THEMIS: variants seen among roughly 807,000 people sequenced by gnomAD.
THEMIS encodes the protein thymocyte selection associated.
Under a neutral mutation model 52.6 loss-of-function variants are expected in THEMIS, and 37 were observed. The ratio of observed to expected loss-of-function variants is 0.70; its 90% CI spans 0.54 to 0.93. The LOEUF is 0.93. Ranked by LOEUF, THEMIS falls within the 40% of genes least tolerant of loss-of-function variation. THEMIS has a pLI of 0.00. For synonymous variants in THEMIS, 292 were observed against 272.7 expected, an observed-to-expected ratio of 1.07 and a Z score of -0.70; for missense variants, 808 against 763.1, an observed-to-expected ratio of 1.06 and a Z score of -0.69.
At position 127,709,940 on chromosome 6, in the gene THEMIS, T is replaced by C; in HGVS notation, c.*45A>G. ...CTAGAAGGCTAGCTTCTTTTTTCAC[T>C]GCAACATTTATGTTTGCTGCCTAAG... On this transcript the variant is annotated 3_prime_UTR_variant, in exon 6 of 6. Coordinates refer to ENST00000368248, the MANE Select transcript of THEMIS (RefSeq NM_001010923.3). 1.9e-6 allele frequency: 3 copies of C among 1,558,218 alleles called. No homozygotes were observed. Among genetic ancestry groups the C allele is most frequent in the Non-Finnish European group, 2.6e-6 (3 of 1,149,360 alleles).
rs561787437 is a variant in THEMIS at position 127,815,576 on chromosome 6, A to G, written c.710-1645T>C. On this transcript the variant is annotated intron_variant, in intron 3 of 5. Coordinates refer to ENST00000368248, the MANE Select transcript of THEMIS (RefSeq NM_001010923.3). ...GCTAAAGATCTGCAAAATTGTAAAG[A>G]TTTTTAATTTTTAGAAAAAAAAGGA... Among the ~76,000 whole-genome samples the G allele has an allele frequency of 2.0e-5, 3 of 152,308 alleles. No homozygotes were observed. The South Asian group carries it at 6.2e-4, about 32-fold the overall frequency.
intron 2 of THEMIS, among the ~76,000 whole-genome samples, chr6:127,848,198 GT>G (rs1436149471): frequency 6.6e-6 from 1 of 150,772 alleles, no homozygotes; most frequent in Non-Finnish European, 1.5e-5. Flanking sequence ...CCTTGTGATA[GT>G]TTGCTGAGAA....
chr6:127,865,562 A>T (rs1202325067), intron 1 of THEMIS, among the ~76,000 whole-genome samples: 2 of 152,194 alleles, frequency 1.3e-5, no homozygotes, highest in Non-Finnish European at 2.9e-5. Context: ...TTTGGGAATT[A>T]TCTGATTCTA....
intron 1 of THEMIS, among the ~76,000 whole-genome samples, chr6:127,911,092 C>T (rs2114530686): frequency 6.6e-6 from 1 of 151,522 alleles, no homozygotes; most frequent in African/African-American, 2.4e-5. Flanking sequence ...AGTTCTCATT[C>T]TGTCATATCA....
At chr6:127,807,932 T>A (rs912413382) in intron 4 of THEMIS, among the ~76,000 whole-genome samples, 1 of 152,122 alleles carries the variant, frequency 6.6e-6, no homozygotes, top group African/African-American at 2.4e-5. Context: ...CTCTGTGCAC[T>A]CCCCAGGAAC....
At chr6:127,702,107 T>G in the THEMIS span, among the ~76,000 whole-genome samples, 3 of 152,154 alleles carry the variant, frequency 2.0e-5, no homozygotes, top group Non-Finnish European at 1.5e-5. Flanking sequence ...TAAGCCCCTC[T>G]GTTTTTGTTC....
At position 127,855,041 on chromosome 6, in the gene THEMIS, A is replaced by G; in HGVS notation, c.239T>C (p.Met80Thr). 1.2e-6 allele frequency: 2 copies of G among 1,605,026 alleles called. No individual in the cohort carries two copies. Among genetic ancestry groups the G allele is most frequent in the South Asian group, 1.1e-5 (1 of 89,082 alleles). ...GCAATGTGCTGTACCTGGAAAATTC[A>G]TAGGCAGTTCAAATGGCTGTAGAGA... is the stretch of plus-strand genomic sequence containing the variant. ...CESLQPFELP[M>T]NFPGLFKIVA... Residue 80 changes from methionine to threonine, a missense_variant, in exon 2 of 6, where the codon ATG (methionine) becomes ACG (threonine). Transcript: ENST00000368248.
chr6:127,808,719 T>C (rs551458326), intron 4 of THEMIS, among the ~76,000 whole-genome samples: 1 of 152,328 alleles, frequency 6.6e-6, no homozygotes, highest in South Asian at 2.1e-4. Context: ...CTCGTGTCCC[T>C]GCCCAAACTG....
intron 5 of THEMIS, among the ~76,000 whole-genome samples, chr6:127,715,968 C>G (rs749486813): frequency 1.3e-5 from 2 of 151,788 alleles, no homozygotes; most frequent in Non-Finnish European, 2.9e-5. Context: ...AACTGGGACT[C>G]AAACTTGGAG....
intron 1 of THEMIS, among the ~76,000 whole-genome samples, chr6:127,879,348 T>C (rs542220354): frequency 6.6e-6 from 1 of 152,274 alleles, no homozygotes; most frequent in South Asian, 2.1e-4. Context: ...GTGATCTTTA[T>C]TGCTCCAAAT....
chr6:127,902,398 G>T (rs1242625856), upstream of THEMIS, among the ~76,000 whole-genome samples: 1 of 151,110 alleles, frequency 6.6e-6, no homozygotes, highest in African/African-American at 2.4e-5. Flanking sequence ...GAATCTACAC[G>T]TTTTCTTTAG....
chr6:127,825,644 T>G (rs270001), intron 3 of THEMIS, among the ~76,000 whole-genome samples: 111,718 of 152,132 alleles, frequency 0.73, 42,581 homozygotes, highest in East Asian at 1. Flanking sequence ...TCACCAGGAT[T>G]ATTTTAAATG....
At chr6:127,806,048 T>G (rs2114579391) in intron 4 of THEMIS, among the ~76,000 whole-genome samples, 1 of 152,140 alleles carries the variant, frequency 6.6e-6, no homozygotes, top group South Asian at 2.1e-4. Context: ...ATTTTAGTGA[T>G]TACAGGCACT....
intron 1 of THEMIS, among the ~76,000 whole-genome samples, chr6:127,910,355 C>CAT (rs2114528514): frequency 1.3e-5 from 2 of 152,152 alleles, no homozygotes; most frequent in African/African-American, 4.8e-5. Flanking sequence ...TTAGGAATTA[C>CAT]ATATTTATCT....
At chr6:127,853,594 T>C (rs1042041499) in intron 2 of THEMIS, among the ~76,000 whole-genome samples, 4 of 151,652 alleles carry the variant, frequency 2.6e-5, no homozygotes, top group Non-Finnish European at 5.9e-5. Context: ...CTCACTTCAA[T>C]ATAGCTAATA....
At chr6:127,817,628 C>G (rs2114621738) in intron 3 of THEMIS, among the ~76,000 whole-genome samples, 1 of 152,154 alleles carries the variant, frequency 6.6e-6, no homozygotes, top group South Asian at 2.1e-4. Context: ...CAGTGAAAAT[C>G]AACAACTCTT....
At chr6:127,914,800 C>T (rs17055118) in intron 1 of THEMIS, among the ~76,000 whole-genome samples, 2,676 of 152,254 alleles carry the variant, frequency 0.018, 86 homozygotes, top group African/African-American at 0.06. Flanking sequence ...TGCTTTTCTA[C>T]AGTAGAGCCA....
At position 127,732,766 on chromosome 6, in the gene THEMIS, C is replaced by A. The variant is rs961852616; in HGVS notation, c.1759-12943G>T. Among the ~76,000 whole-genome samples, 54 of 152,304 alleles carry A rather than the reference C, an allele frequency of 3.5e-4. 1 individual carries two copies. The highest frequency in any genetic ancestry group is 1.9e-3 in the South Asian group (9 of 4,830). On this transcript the variant is annotated intron_variant, in intron 4 of 5. Transcript: ENST00000368248. ...CTACTGAAGAATATTTGAGTAATTT[C>A]CAAGTATTAGCTGTTACAAATAATG...
At chr6:127,865,974 C>T (rs1320098735) in intron 1 of THEMIS, among the ~76,000 whole-genome samples, 5 of 152,030 alleles carry the variant, frequency 3.3e-5, no homozygotes, top group Non-Finnish European at 7.4e-5. Flanking sequence ...ATGTTCTTTT[C>T]AATAAGGTTA....
Sources: gnomAD v4.1 joint callset for allele counts (sites outside exome capture counted in the v4.1 genomes callset) on GRCh38, gnomAD v4.1.1 for gene constraint, MANE v1.5 for transcripts, NCBI Gene and HGNC (gene_info 2026-07-23, HGNC 2026-07-21) for gene names.